ARRDC2: variants seen among roughly 807,000 people sequenced by gnomAD.
ARRDC2 encodes the protein arrestin domain-containing protein 2.
In ARRDC2, 39 loss-of-function variants were observed where a neutral mutation model predicts 38.9. The ratio of observed to expected loss-of-function variants is 1.00; its 90% CI spans 0.78 to 1.31. The LOEUF is 1.31. ARRDC2 is among the 50% of genes most tolerant of loss of function. ARRDC2 has a pLI of 0.00. For missense variants in ARRDC2, 553 were observed against 588.4 expected (o/e 0.94, Z 0.62); for synonymous variants, 300 against 261.9 (o/e 1.15, Z -1.41).
chr19:18,009,998 A>G lies in ARRDC2; in HGVS notation c.808A>G (p.Ile270Val), dbSNP rs781652088. The G allele has an allele frequency of 1.9e-6, 3 of 1,601,088 alleles. No individual in the cohort carries two copies. Among genetic ancestry groups the G allele is most frequent in the Non-Finnish European group, 2.5e-6 (3 of 1,179,338 alleles). The change falls in exon 5 of 8, where the codon ATC (isoleucine) becomes GTC (valine). Residue 270 changes from isoleucine (I) to valine (V), a missense_variant. Coordinates refer to ENST00000222250, the MANE Select transcript of ARRDC2 (RefSeq NM_015683.2). ...ALRIPPVGPS[I>V]LHCRVLHVDY... ...GCGGATCCCCCCAGTGGGTCCTTCC[A>G]TCCTGCACTGCCGCGTTCTACACGT... is the stretch of plus-strand genomic sequence containing the variant.
At chr19:18,001,380 C>T (rs2033182539) in exon 1 of ARRDC2, 1 of 1,207,720 alleles carries the variant, frequency 8.3e-7, no homozygotes, top group Non-Finnish European at 1.0e-6. Context: ...GCGCCTACCG[C>T]GGCGGGGAGC....
At position 18,010,246 on chromosome 19, in the gene ARRDC2, G is replaced by A; in HGVS notation, c.900G>A (p.Leu300=). The change falls in exon 6 of 8, where the codon CTG becomes CTA. Residue 300 remains leucine, a synonymous_variant. Coordinates refer to ENST00000222250, the MANE Select transcript of ARRDC2 (RefSeq NM_015683.2). The part of the protein sequence containing the change: ...GTSKLLLELP[L]VIGTIPLHPF... ...CCAAGCTGCTGCTGGAGCTGCCACT[G>A]GTGATCGGCACCATTCCCTTGCACC... 6.2e-7 allele frequency: 1 copy of A among 1,613,926 alleles called. No individual in the cohort carries two copies. The highest frequency in any genetic ancestry group is 1.1e-5 in the South Asian group (1 of 91,084).
rs2033384388 is a variant in ARRDC2 at position 18,010,244 on chromosome 19, C to G, written c.898C>G (p.Leu300Val). Residue 300 changes from leucine to valine, a missense_variant, in exon 6 of 8, where the codon CTG becomes GTG. Coordinates refer to ENST00000222250, the MANE Select transcript of ARRDC2 (RefSeq NM_015683.2). ...GTCCAAGCTGCTGCTGGAGCTGCCA[C>G]TGGTGATCGGCACCATTCCCTTGCA... Reference protein sequence around the residue: ...GTSKLLLELPLVIGTIPLHPF... With the variant: ...GTSKLLLELPVVIGTIPLHPF... 5 of 1,613,910 alleles carry G rather than the reference C, an allele frequency of 3.1e-6. No homozygotes were observed. The highest frequency in any genetic ancestry group is 2.2e-5 in the East Asian group (1 of 44,882).
chr19:18,002,832 G>A (rs1446698836), intron 1 of ARRDC2, among the ~76,000 whole-genome samples: 1 of 152,230 alleles, frequency 6.6e-6, no homozygotes, highest in African/African-American at 2.4e-5. Context: ...GCCGGGTGCG[G>A]TGGCTCACGC....
chr19:18,006,099 T>C (rs1167621710), upstream of ARRDC2, among the ~76,000 whole-genome samples: 1 of 145,798 alleles, frequency 6.9e-6, no homozygotes, highest in East Asian at 2.0e-4. Flanking sequence ...CCTCACTTCC[T>C]AGGTGGGATG....
chr19:18,011,577 T>C (rs2033412732), intron 7 of ARRDC2, among the ~76,000 whole-genome samples: 1 of 152,004 alleles, frequency 6.6e-6, no homozygotes. Flanking sequence ...AGATTAAAAA[T>C]ATGATAGGCT....
chr19:18,010,809 GTTTT>G, intron 7 of ARRDC2, 80 bp downstream of exon 7: 1 of 1,456,016 alleles, frequency 6.9e-7, no homozygotes, highest in Non-Finnish European at 9.3e-7. Context: ...TAGTAGATGG[GTTTT>G]TTTTGTTTTT....
intron 7 of ARRDC2, among the ~76,000 whole-genome samples, chr19:18,011,954 T>TA (rs1476473694): frequency 0.012 from 992 of 83,854 alleles, 2 homozygotes; most frequent in South Asian, 0.033. Context: ...ATATATATAT[T>TA]TTTTTTTTTT....
rs113761532 is a variant in ARRDC2 at position 18,012,734 on chromosome 19, G to A, written c.1171-179G>A. Among the ~76,000 whole-genome samples the A allele has an allele frequency of 8.5e-5, 13 of 152,274 alleles. 1 individual carries two copies. Among genetic ancestry groups the A allele is most frequent in the African/African-American group, 3.1e-4 (13 of 41,548 alleles). ...GGAACCAATCCCCTGTGGATACCAAGGGACGGTATACACTCAGCTCCAAAA... is the reference window on the plus strand; with the variant it reads ...GGAACCAATCCCCTGTGGATACCAAAGGACGGTATACACTCAGCTCCAAAA... On this transcript the variant is annotated intron_variant, in intron 7 of 7. Coordinates refer to ENST00000222250, the MANE Select transcript of ARRDC2 (RefSeq NM_015683.2).
At chr19:18,001,521 C>A in exon 1 of ARRDC2, 1 of 1,389,836 alleles carries the variant, frequency 7.2e-7, no homozygotes, top group Non-Finnish European at 9.4e-7. Context: ...CCGTATCCAG[C>A]GACTACGCGG....
chr19:18,002,310 C>T (rs2145994355), intron 1 of ARRDC2, among the ~76,000 whole-genome samples: 1 of 152,320 alleles, frequency 6.6e-6, no homozygotes, highest in Non-Finnish European at 1.5e-5. Context: ...GAAGTGGGGT[C>T]ACATTCTCCT....
At chr19:18,001,439 G>C in exon 1 of ARRDC2, 1 of 1,242,194 alleles carries the variant, frequency 8.1e-7, no homozygotes, top group Non-Finnish European at 1.0e-6. Flanking sequence ...CTGCGGGTGC[G>C]AGCGCTCGAG....
upstream of ARRDC2, chr19:18,008,133 C>T (rs1392932803): frequency 2.3e-6 from 3 of 1,290,672 alleles, no homozygotes; most frequent in African/African-American, 1.6e-5. Flanking sequence ...CCCCCCCCGC[C>T]CTGCCGTATA....
Position 18,008,901 on chromosome 19 carries a change from T to C in ARRDC2, c.342-70T>C. On this transcript the variant is annotated intron_variant, in intron 2 of 7. Transcript: ENST00000222250. ...CTCCCCCTGGGAGGCCCCCGGAGTGTCTGTGTCTCCTTCTCCCTGCCTGCT... is the reference window on the plus strand; with the variant it reads ...CTCCCCCTGGGAGGCCCCCGGAGTGCCTGTGTCTCCTTCTCCCTGCCTGCT... 2.5e-6 allele frequency: 4 copies of C among 1,602,696 alleles called. No homozygotes were observed. The South Asian group carries it at 3.3e-5, about 13-fold the overall frequency.
At chr19:18,008,048 C>T (rs2033315402), upstream of ARRDC2, 2 of 1,042,268 alleles carry the variant, frequency 1.9e-6, no homozygotes, top group Non-Finnish European at 2.6e-6. Flanking sequence ...TGCTCCACGC[C>T]TGGGCAGAGC....
intron 3 of ARRDC2, 48 bp downstream of exon 3, chr19:18,009,166 G>A (rs1250239207): frequency 6.3e-7 from 1 of 1,596,786 alleles, no homozygotes. Context: ...TGTAGGAAGG[G>A]GCCTGCCTGG....
intron 1 of ARRDC2, chr19:18,001,667 C>A (rs567480721): frequency 6.6e-6 from 8 of 1,221,348 alleles, no homozygotes; most frequent in Admixed American, 4.3e-5. Context: ...AGAACCTATG[C>A]GGTCGGGTGA....
rs758085197 is a variant in ARRDC2, at chr19:18,008,408, G to A, written c.98G>A (p.Arg33Gln). ...VFSGGQAVAGRVLLELSSAAR... is the reference protein window; with the variant it reads ...VFSGGQAVAGQVLLELSSAAR... ...AGCGGCGGCCAGGCCGTGGCGGGCC[G>A]GGTGCTGCTGGAGCTGTCAAGCGCC... Residue 33 changes from arginine to glutamine, a missense_variant, in exon 1 of 8, where the codon CGG (arginine) becomes CAG (glutamine). Transcript: ENST00000222250. 9 of 1,594,394 alleles carry A rather than the reference G, an allele frequency of 5.6e-6. No homozygotes were observed. The highest frequency in any genetic ancestry group is 1.1e-5 in the South Asian group (1 of 90,816).
chr19:18,006,374 C>G (rs1293123975), upstream of ARRDC2, among the ~76,000 whole-genome samples: 1 of 152,172 alleles, frequency 6.6e-6, no homozygotes, highest in Non-Finnish European at 1.5e-5. Flanking sequence ...TCTGCAATCC[C>G]GGCACCTCGG....
Sources: allele counts gnomAD v4.1 joint callset (sites outside exome capture counted in the v4.1 genomes callset), GRCh38; gene constraint gnomAD v4.1.1; transcripts MANE v1.5; gene names NCBI Gene and HGNC (gene_info 2026-07-23, HGNC 2026-07-21).